Variants in ZNF730 observed in about 807,000 individuals in gnomAD.
The protein encoded by ZNF730 is putative zinc finger protein 730.
A neutral mutation model predicts 12.6 loss-of-function variants in ZNF730; 12 were observed. The ratio of observed to expected loss-of-function variants is 0.95; its 90% CI spans 0.61 to 1.54. The LOEUF (loss-of-function observed/expected upper bound fraction) is 1.54, where lower values mean the gene tolerates loss of function less well. Ranked by LOEUF, ZNF730 falls within the 40% of genes most tolerant of loss-of-function variation. The pLI is 0.00. For missense variants in ZNF730, 643 were observed against 583.5 expected (o/e 1.10, Z -1.05); for synonymous variants, 194 against 195.8 (o/e 0.99, Z 0.08).
At chr19:23,138,668 G>T (rs553779689) in intron 3 of ZNF730, among the ~76,000 whole-genome samples, 14 of 152,212 alleles carry the variant, frequency 9.2e-5, no homozygotes, top group African/African-American at 3.4e-4. Context: ...TTCTAAAAAG[G>T]ATGCTCCTCA....
chr19:23,145,785 G>A lies in ZNF730; in HGVS notation c.741G>A (p.Lys247=), dbSNP rs564787797. ...GGTTTTCACATTTTACTACACATAA[G>A]AGAATTCATACTGGAGAAAAACCCT... The part of the protein sequence containing the change: ...FNWFSHFTTH[K]RIHTGEKPYQ... Residue 247 remains lysine (K), a synonymous_variant, in exon 4 of 4, where the codon AAG becomes AAA. Transcript: ENST00000597761. The A allele has an allele frequency of 1.9e-6, 3 of 1,581,834 alleles. No homozygotes were observed. The highest frequency in any genetic ancestry group is 2.3e-5 in the East Asian group (1 of 43,528).
intron 1 of ZNF730, 143 bp downstream of exon 1, chr19:23,117,319 C>T: frequency 2.7e-6 from 4 of 1,496,616 alleles, no homozygotes; most frequent in Non-Finnish European, 3.7e-6. Context: ...GCCTCAGTCC[C>T]CTTCAGCCAT....
intron 3 of ZNF730, 23 bp downstream of exon 3, chr19:23,136,066 C>T (rs1970828312): frequency 3.3e-6 from 5 of 1,504,658 alleles, no homozygotes; most frequent in Non-Finnish European, 4.5e-6. Context: ...AAATACAATA[C>T]ACAAAACTGA....
rs541307128 is a variant in ZNF730 at position 23,089,790 on chromosome 19, T to A, written c.-94+14403T>A. 1.9e-3 allele frequency among the ~76,000 whole-genome samples: 289 copies of A among 152,036 alleles called. 1 individual carries two copies. Among genetic ancestry groups the A allele is most frequent in the African/African-American group, 6.4e-3 (267 of 41,464 alleles). ...AGACTGGGGCCTTGCTGAAAAAAAA[T>A]AACCGAAAATGTGGAAGCGATTTTG... On this transcript the variant is annotated intron_variant, in intron 1 of 2. Coordinates refer to the ZNF730 transcript ENST00000593635.
At chr19:23,126,535 G>C (rs1413880130) in intron 1 of ZNF730, 3 of 402,320 alleles carry the variant, frequency 7.5e-6, no homozygotes, top group East Asian at 6.1e-5. Flanking sequence ...TTTGAAGGAA[G>C]GCAGCCCTTT....
At chr19:23,126,217 A>T (rs1423805329) in intron 1 of ZNF730, among the ~76,000 whole-genome samples, 1 of 152,220 alleles carries the variant, frequency 6.6e-6, no homozygotes, top group African/African-American at 2.4e-5. Flanking sequence ...GAAAAGGTTA[A>T]ACTTCAGAAA....
chr19:23,144,606 A>T (rs1433368623), intron 3 of ZNF730, among the ~76,000 whole-genome samples: 2 of 148,992 alleles, frequency 1.3e-5, no homozygotes, highest in South Asian at 2.1e-4. Flanking sequence ...AGGCTGAGTC[A>T]GGAGAATCGC....
chr19:23,081,155 C>CTTT (rs894055545), intron 1 of ZNF730, among the ~76,000 whole-genome samples: 1 of 142,816 alleles, frequency 7.0e-6, no homozygotes, highest in African/African-American at 2.6e-5. Flanking sequence ...CTCTTTTTTT[C>CTTT]TTTTTTTTTT....
intron 1 of ZNF730, among the ~76,000 whole-genome samples, chr19:23,110,684 A>G (rs1469008389): frequency 6.6e-6 from 1 of 152,204 alleles, no homozygotes; most frequent in Non-Finnish European, 1.5e-5. Flanking sequence ...AGTGTCTTTA[A>G]GGAGGTTTAT....
intron 1 of ZNF730, among the ~76,000 whole-genome samples, chr19:23,121,394 A>G (rs1970596668): frequency 6.6e-6 from 1 of 152,082 alleles, no homozygotes; most frequent in African/African-American, 2.4e-5. Context: ...GCTAGAGTGT[A>G]GTGGCACGAT....
rs761745362 is a variant in ZNF730, at chr19:23,146,381, A to T, written c.1337A>T (p.His446Leu). Reference sequence around the variant, plus strand: ...ACCCTTACTACACATAAAAGAATTCATACTGGAGAGAAACCCTATGAATGT... The same window carrying T: ...ACCCTTACTACACATAAAAGAATTCTTACTGGAGAGAAACCCTATGAATGT... ...SSTLTTHKRI[H>L]TGEKPYECEE... The change falls in exon 4 of 4, where the codon CAT becomes CTT. Residue 446 changes from histidine (H) to leucine (L), a missense_variant. His to Leu is a moderately conservative substitution (Grantham distance 99). Transcript: ENST00000597761. 3.1e-6 allele frequency: 5 copies of T among 1,613,410 alleles called. No homozygotes were observed. Among genetic ancestry groups the T allele is most frequent in the Non-Finnish European group, 3.4e-6 (4 of 1,179,864 alleles).
chr19:23,127,561 A>C, intron 1 of ZNF730: 2 of 911,822 alleles, frequency 2.2e-6, no homozygotes, highest in Non-Finnish European at 3.7e-6. Context: ...TAACAAAGGA[A>C]TCATGAAGCC....
rs1372012532 is a variant in ZNF730 at position 23,134,180 on chromosome 19, A to G, written c.104A>G (p.Asp35Gly). 1.9e-6 allele frequency: 3 copies of G among 1,611,854 alleles called. No individual in the cohort carries two copies. The highest frequency in any genetic ancestry group is 1.3e-5 in the African/African-American group (1 of 74,834). Residue 35 changes from aspartate to glycine, a missense_variant, in exon 2 of 4, where the codon GAT becomes GGT. By Grantham distance (94) the Asp-to-Gly change is moderately conservative. Coordinates refer to ENST00000597761, the MANE Select transcript of ZNF730 (RefSeq NM_001277403.2). The part of the protein sequence containing the change: ...QQNLYRNVML[D>G]NYRNLVFLGI... The stretch of plus-strand genomic sequence containing the variant: ...AATTTATATAGAAATGTAATGTTAG[A>G]TAACTACAGAAACCTGGTCTTCCTG...
chr19:23,123,686 C>T (rs1240465276), intron 1 of ZNF730: 1 of 149,520 alleles, frequency 6.7e-6, no homozygotes, highest in Non-Finnish European at 1.5e-5. Flanking sequence ...TTGAGTGTTT[C>T]AAGAAAAATT....
chr19:23,108,353 G>A (rs1245502421), intron 1 of ZNF730, among the ~76,000 whole-genome samples: 1 of 151,680 alleles, frequency 6.6e-6, no homozygotes, highest in African/African-American at 2.4e-5. Flanking sequence ...GCTGCCCCAA[G>A]TGATTTTTAC....
chr19:23,135,001 TTTGTTAAACAGATGC>T (rs1440740863), intron 2 of ZNF730, among the ~76,000 whole-genome samples: 4 of 103,720 alleles, frequency 3.9e-5, no homozygotes, highest in African/African-American at 1.5e-4. Context: ...CAAGATGTGC[TTTGTTAAACAGATGC>T]TTGAAGGCAG....
intron 1 of ZNF730, among the ~76,000 whole-genome samples, chr19:23,105,876 A>G (rs1483123815): frequency 6.6e-6 from 1 of 152,212 alleles, no homozygotes; most frequent in Non-Finnish European, 1.5e-5. Flanking sequence ...AAAACAAATT[A>G]TTGATCTACG....
chr19:23,084,466 A>AC (rs1970022463), intron 1 of ZNF730, among the ~76,000 whole-genome samples: 1 of 152,194 alleles, frequency 6.6e-6, no homozygotes, highest in Non-Finnish European at 1.5e-5. Flanking sequence ...CTTCTTTAAA[A>AC]CGTACAAATA....
chr19:23,129,499 C>G (rs1970715850), intron 1 of ZNF730, among the ~76,000 whole-genome samples: 5 of 151,552 alleles, frequency 3.3e-5, no homozygotes, highest in Admixed American at 3.3e-4. Flanking sequence ...TTTGGACTCG[C>G]ATGGGGCCAG....
Sources: gnomAD v4.1 joint callset for allele counts (sites outside exome capture counted in the v4.1 genomes callset) on GRCh38, gnomAD v4.1.1 for gene constraint, MANE v1.5 for transcripts, NCBI Gene and HGNC (gene_info 2026-07-23, HGNC 2026-07-21) for gene names.